MUC12: variants seen among roughly 807,000 people sequenced by gnomAD.
The protein encoded by MUC12 is mucin 12, cell surface associated, also known as mucin-12.
Under a neutral mutation model 230.8 loss-of-function variants are expected in MUC12, and 172 were observed. That is an observed-to-expected ratio of 0.75 (90% CI 0.66 to 0.85). The LOEUF (loss-of-function observed/expected upper bound fraction) is 0.85, where lower values mean the gene tolerates loss of function less well. Among genes scored for constraint, MUC12 ranks in the 40% least tolerant of loss-of-function variants. The pLI, the probability that MUC12 is intolerant of heterozygous loss-of-function variation, is 0.00. For missense variants in MUC12, 3,506 were observed against 5,920.6 expected, an observed-to-expected ratio of 0.59 and a Z score of 13.38; for synonymous variants, 1,259 against 2,401.9, an observed-to-expected ratio of 0.52 and a Z score of 13.91.
chr7:100,987,491 A>G (rs1793209378), intron 1 of MUC12, among the ~76,000 whole-genome samples: 1 of 152,200 alleles, frequency 6.6e-6, no homozygotes, highest in Non-Finnish European at 1.5e-5. Flanking sequence ...TGTTCCAAGA[A>G]GGGTGATGCT....
chr7:100,976,309 A>T (rs1439210724), intron 1 of MUC12, among the ~76,000 whole-genome samples: 1 of 148,594 alleles, frequency 6.7e-6, no homozygotes, highest in Non-Finnish European at 1.5e-5. Context: ...TATGTATTAA[A>T]AATTGCAAAT....
chr7:100,975,516 T>G (rs1793013493), intron 1 of MUC12, among the ~76,000 whole-genome samples: 1 of 149,784 alleles, frequency 6.7e-6, no homozygotes, highest in Non-Finnish European at 1.5e-5. Context: ...AGTAATAAAC[T>G]TATTCAGCAA....
At chr7:100,984,593 A>G (rs1193787122) in intron 1 of MUC12, among the ~76,000 whole-genome samples, 1 of 151,278 alleles carries the variant, frequency 6.6e-6, no homozygotes, top group Non-Finnish European at 1.5e-5. Flanking sequence ...TTTTTTTTTA[A>G]CTTCTCTTCC....
intron 1 of MUC12, among the ~76,000 whole-genome samples, chr7:100,982,627 T>C (rs1793126375): frequency 6.6e-6 from 1 of 151,770 alleles, no homozygotes; most frequent in Admixed American, 6.6e-5. Flanking sequence ...TGGGGTCTCA[T>C]TATATTGCCC....
In MUC12 at chr7:100,979,887, C is replaced by T. The variant is rs118078438; in HGVS notation, c.67+10198C>T. ...TTATTGTGTTTTAAAAATTATAAAACGAGGGGTGGTGGTGCAGGTCTGTAG... is the reference window on the plus strand; with the variant it reads ...TTATTGTGTTTTAAAAATTATAAAATGAGGGGTGGTGGTGCAGGTCTGTAG... On this transcript the variant is annotated intron_variant, in intron 1 of 11. Coordinates refer to ENST00000536621, the MANE Select transcript of MUC12 (RefSeq NM_001164462.2). Among the ~76,000 whole-genome samples, 788 of 151,796 alleles carry T rather than the reference C, an allele frequency of 5.2e-3. 28 individuals carry two copies. In the East Asian group the frequency reaches 0.099, roughly 19 times the overall value.
chr7:100,982,677 C>G (rs891935370), intron 1 of MUC12, among the ~76,000 whole-genome samples: 6 of 152,102 alleles, frequency 3.9e-5, no homozygotes, highest in South Asian at 2.1e-4. Context: ...AGTCCTCCCC[C>G]CTTGGCCTCC....
intron 5 of MUC12, among the ~76,000 whole-genome samples, chr7:101,010,817 T>C (rs2116355325): frequency 6.6e-6 from 1 of 152,194 alleles, no homozygotes; most frequent in East Asian, 1.9e-4. Flanking sequence ...CCCAGCCTAA[T>C]TTTTGTAATT....
chr7:100,973,142 G>A (rs1466119805), intron 1 of MUC12: 2 of 645,832 alleles, frequency 3.1e-6, no homozygotes, highest in Non-Finnish European at 5.6e-6. Context: ...TGCCTCTGTA[G>A]GGCAGACCAG....
chr7:100,994,027 A>G lies in MUC12; in HGVS notation c.3464A>G (p.Glu1155Gly). The change falls in exon 2 of 12, where the codon GAG becomes GGG. Residue 1155 changes from glutamate (E) to glycine (G), a missense_variant. Physicochemically the swap from Glu to Gly is moderately conservative, Grantham distance 98 (BLOSUM62 -2). Transcript: ENST00000536621. Reference sequence around the variant, plus strand: ...AGCACCACCACGCCAGGCCTCAGTGAGGAATCTACCACCGTCTACAGCAGC... The same window carrying G: ...AGCACCACCACGCCAGGCCTCAGTGGGGAATCTACCACCGTCTACAGCAGC... Reference protein sequence around the residue: ...PASTTTPGLSEESTTVYSSSR... With the variant: ...PASTTTPGLSGESTTVYSSSR... 1.7e-6 allele frequency: 2 copies of G among 1,193,250 alleles called. 1 individual carries two copies. The highest frequency in any genetic ancestry group is 2.2e-6 in the Non-Finnish European group (2 of 891,144). The allele number at this position is 1,193,250 out of a possible 1,614,324, so 73.9% of individuals were successfully genotyped here.
chr7:101,017,110 G>C (rs1268112308), intron 10 of MUC12, among the ~76,000 whole-genome samples: 1 of 151,908 alleles, frequency 6.6e-6, no homozygotes, highest in Non-Finnish European at 1.5e-5. Context: ...CCGGAGTCCA[G>C]AGAGTGAGTG....
At chr7:101,015,459 T>C (rs1793901292) in intron 9 of MUC12, among the ~76,000 whole-genome samples, 156 bp from the exon 10 acceptor site, 1 of 152,128 alleles carries the variant, frequency 6.6e-6, no homozygotes, top group Admixed American at 6.6e-5. Context: ...AGGGAAGCCA[T>C]GGTGATGCTA....
rs1793089150 is a variant in MUC12 at position 100,980,426 on chromosome 7, G to T, written c.68-10205G>T. 1.3e-5 allele frequency among the ~76,000 whole-genome samples: 2 copies of T among 152,106 alleles called. 1 individual carries two copies. The highest frequency in any genetic ancestry group is 4.1e-4 in the South Asian group (2 of 4,820). ...TGTATTTAGATTTATTCTATGGATG[G>T]TTTATATTTTAATGGCTGATTACTA... On this transcript the variant is annotated intron_variant, in intron 1 of 11. Transcript: ENST00000536621.
rs1793322065 is a variant in MUC12 at position 100,991,933 on chromosome 7, C to T, written c.1370C>T (p.Thr457Ile). The change falls in exon 2 of 12, where the codon ACA (threonine) becomes ATA (isoleucine). Residue 457 changes from threonine to isoleucine, a missense_variant. By Grantham distance (89) the Thr-to-Ile change is moderately conservative. Transcript: ENST00000536621. Reference sequence around the variant, plus strand: ...ACAACAGTCTTACCTGCCGGCTCTACACCCTCAGTTCTTGTTGGAGACTCG... The same window carrying T: ...ACAACAGTCTTACCTGCCGGCTCTATACCCTCAGTTCTTGTTGGAGACTCG... The part of the protein sequence containing the change: ...MATTVLPAGS[T>I]PSVLVGDSTP... 4 of 1,537,980 alleles carry T rather than the reference C, an allele frequency of 2.6e-6. No homozygotes were observed. The highest frequency in any genetic ancestry group is 1.7e-4 in the Middle Eastern group (1 of 5,996).
chr7:100,976,362 T>C (rs944792104), intron 1 of MUC12, among the ~76,000 whole-genome samples: 22 of 151,998 alleles, frequency 1.4e-4, no homozygotes, highest in African/African-American at 4.6e-4. Context: ...TCCCAGCACT[T>C]TGGGAGGTCG....
intron 1 of MUC12, among the ~76,000 whole-genome samples, chr7:100,971,386 G>C (rs1346791545): frequency 3.3e-5 from 5 of 152,308 alleles, no homozygotes; most frequent in African/African-American, 1.2e-4. Context: ...TGAAGGCTGT[G>C]GGGTGGGCAG....
intron 1 of MUC12, among the ~76,000 whole-genome samples, chr7:100,985,548 T>G (rs1793174878): frequency 6.6e-6 from 1 of 152,192 alleles, no homozygotes; most frequent in South Asian, 2.1e-4. Context: ...CTTTGTTTCT[T>G]CCAAAGTTAG....
At chr7:100,979,690 C>T (rs942981583) in intron 1 of MUC12, among the ~76,000 whole-genome samples, 8 of 151,878 alleles carry the variant, frequency 5.3e-5, no homozygotes, top group East Asian at 3.9e-4. Context: ...GCAGGAGAAT[C>T]GCTTGAACCT....
intron 1 of MUC12, among the ~76,000 whole-genome samples, chr7:100,973,540 T>A (rs2116257041): frequency 1.1e-5 from 1 of 87,086 alleles, no homozygotes; most frequent in African/African-American, 4.5e-5. Context: ...GAGAAATAAA[T>A]CTATTTTTTT....
chr7:101,013,432 T>A (rs892817394), intron 8 of MUC12, among the ~76,000 whole-genome samples: 2 of 151,798 alleles, frequency 1.3e-5, no homozygotes, highest in African/African-American at 4.9e-5. Flanking sequence ...TGTCTGTATC[T>A]CTATCTCTAT....
Sources: allele counts gnomAD v4.1 joint callset (sites outside exome capture counted in the v4.1 genomes callset), GRCh38; gene constraint gnomAD v4.1.1; transcripts MANE v1.5; gene names NCBI Gene and HGNC (gene_info 2026-07-23, HGNC 2026-07-21).